The following TEX14 variants were observed in gnomAD, a reference collection of about 807,000 sequenced individuals.
TEX14 encodes testis expressed 14, intercellular bridge forming factor.
TEX14 carries 168 observed loss-of-function variants against 178.6 expected under a neutral mutation model. That is an observed-to-expected ratio of 0.94 (90% confidence interval 0.83 to 1.07). The LOEUF (loss-of-function observed/expected upper bound fraction) is 1.07. Among genes scored for constraint, TEX14 ranks in the 50% least tolerant of loss-of-function variants. The pLI, the probability that TEX14 is intolerant of heterozygous loss-of-function variation, is 0.00. For missense variants in TEX14, 1,730 were observed against 1,753.6 expected (o/e 0.99, Z 0.24); for synonymous variants, 626 against 634.1 (o/e 0.99, Z 0.19).
At chr17:58,631,716 A>C (rs420878) in intron 2 of TEX14, 1 of 151,640 alleles carries the variant, frequency 6.6e-6, no homozygotes, top group East Asian at 1.9e-4. Context: ...AACACCAAAC[A>C]CTGCTATCCC....
At chr17:58,683,370 C>T (rs369732484) in intron 1 of TEX14, among the ~76,000 whole-genome samples, 3 of 142,142 alleles carry the variant, frequency 2.1e-5, no homozygotes, top group African/African-American at 5.2e-5. Context: ...AAGACTCCAT[C>T]CCCCCCCCCA....
rs181073457 is a variant in TEX14 at position 58,609,109 on chromosome 17, C to T, written c.1184+2052G>A. ...CATGGCTCCGGTCATACCCTAACGG[C>T]TCCCCTGCTTTTTTTCTTGAGACAG... On this transcript the variant is annotated intron_variant, in intron 10 of 31. Coordinates refer to ENST00000349033, the MANE Select transcript of TEX14 (RefSeq NM_031272.5). Among the ~76,000 whole-genome samples the T allele has an allele frequency of 1.0e-3, 157 of 152,126 alleles. 1 individual carries two copies. Among genetic ancestry groups the T allele is most frequent in the African/African-American group, 3.6e-3 (149 of 41,550 alleles).
Position 58,573,268 on chromosome 17 carries a change from C to G in TEX14, c.3424G>C (p.Glu1142Gln), listed in dbSNP as rs375378353. 1.1e-4 allele frequency: 171 copies of G among 1,613,426 alleles called. No homozygotes were observed. Among genetic ancestry groups the G allele is most frequent in the Non-Finnish European group, 1.4e-4 (168 of 1,179,476 alleles). The change falls in exon 23 of 32, where the codon GAA becomes CAA. Residue 1142 changes from glutamate (E) to glutamine (Q), a missense_variant. By Grantham distance (29) the Glu-to-Gln change is conservative (BLOSUM62 2). Transcript: ENST00000349033. The part of the protein sequence containing the change: ...DIQDLSSISY[E>Q]PDSSFKEASC... Reference sequence around the variant, plus strand: ...GCTTCCTTAAAAGAGCTGTCTGGTTCATAGGAGATACTAGACAGGTCTTGA... The same window carrying G: ...GCTTCCTTAAAAGAGCTGTCTGGTTGATAGGAGATACTAGACAGGTCTTGA...
chr17:58,613,293 A>C, intron 9 of TEX14, 128 bp downstream of exon 9: 1 of 1,199,524 alleles, frequency 8.3e-7, no homozygotes. Context: ...AGCCCCTATA[A>C]AGCAAAAGAA....
chr17:58,615,826 T>C (rs772728282), intron 7 of TEX14, among the ~76,000 whole-genome samples: 1 of 152,202 alleles, frequency 6.6e-6, no homozygotes, highest in Non-Finnish European at 1.5e-5. Flanking sequence ...TAAAGTATTG[T>C]AATGAGTAAT....
At chr17:58,674,948 C>T (rs1418543760) in intron 1 of TEX14, among the ~76,000 whole-genome samples, 4 of 151,212 alleles carry the variant, frequency 2.6e-5, no homozygotes. Context: ...GAGTTTGAGA[C>T]CAGCCTGGCC....
At chr17:58,611,756 A>G (rs1021806223) in intron 9 of TEX14, among the ~76,000 whole-genome samples, 3 of 152,322 alleles carry the variant, frequency 2.0e-5, no homozygotes, top group East Asian at 1.9e-4. Flanking sequence ...CAGATAACCA[A>G]TTCAGTCCTA....
rs544557607 is a variant in TEX14, at chr17:58,598,974, G to A, written c.2371C>T (p.Pro791Ser). 1 of 1,614,144 alleles carries A rather than the reference G, an allele frequency of 6.2e-7. No homozygotes were observed. The highest frequency in any genetic ancestry group is 2.2e-5 in the East Asian group (1 of 44,880). Residue 791 changes from proline to serine, a missense_variant, in exon 14 of 32, where the codon CCA (proline) becomes TCA (serine). Transcript: ENST00000349033. The stretch of plus-strand genomic sequence containing the variant: ...ACAGGAGGAATATAGTTTAAAGATG[G>A]AGGGCCCACGGCCAGAGGTAACTTG... ...AYKLPLAVGP[P>S]SLNYIPPVLQ...
chr17:58,593,035 T>C (rs1373163143), intron 15 of TEX14, among the ~76,000 whole-genome samples: 1 of 152,108 alleles, frequency 6.6e-6, no homozygotes, highest in Non-Finnish European at 1.5e-5. Flanking sequence ...ATATATTATA[T>C]ATACATATAT....
intron 2 of TEX14, among the ~76,000 whole-genome samples, chr17:58,640,612 AGTGT>A (rs33931543): frequency 8.4e-4 from 121 of 143,952 alleles, no homozygotes; most frequent in East Asian, 7.7e-3. Flanking sequence ...CTTACCTTCT[AGTGT>A]GTGTGTGTGT....
At chr17:58,642,419 C>T (rs1372711395) in intron 2 of TEX14, among the ~76,000 whole-genome samples, 1 of 152,108 alleles carries the variant, frequency 6.6e-6, no homozygotes. Context: ...CCAAATGCTC[C>T]GTACTTAATT....
chr17:58,637,310 T>C (rs149305335), intron 2 of TEX14, among the ~76,000 whole-genome samples: 2 of 152,350 alleles, frequency 1.3e-5, no homozygotes, highest in Non-Finnish European at 2.9e-5. Context: ...CTAAAACTCT[T>C]TGAACCTCTG....
chr17:58,650,064 T>C (rs912143636), intron 2 of TEX14, among the ~76,000 whole-genome samples: 5 of 151,454 alleles, frequency 3.3e-5, no homozygotes, highest in African/African-American at 1.2e-4. Context: ...TGTTTTTGTT[T>C]TTGTTTTTCT....
At chr17:58,661,824 C>T in intron 1 of TEX14, 2 of 473,584 alleles carry the variant, frequency 4.2e-6, no homozygotes, top group Non-Finnish European at 7.4e-6. Flanking sequence ...TCTCTGTTTC[C>T]GTTTCCTAAA....
At position 58,561,412 on chromosome 17, in the gene TEX14, T is replaced by C. The variant is rs1047287249; in HGVS notation, c.4157+108A>G. ...GACAGGTGGAGTCAGGGCTGGCTTATCTAAATCAATGTAATGCCATCATCA... is the reference window on the plus strand; with the variant it reads ...GACAGGTGGAGTCAGGGCTGGCTTACCTAAATCAATGTAATGCCATCATCA... On this transcript the variant is annotated intron_variant, in intron 29 of 31. Coordinates refer to ENST00000349033, the MANE Select transcript of TEX14 (RefSeq NM_031272.5). The C allele has an allele frequency of 1.0e-5, 8 of 788,006 alleles. No homozygotes were observed. In the Admixed American group the frequency reaches 1.2e-4, roughly 12 times the overall value. The allele number at this position is 788,006 out of a possible 1,614,324, so 48.8% of individuals were successfully genotyped here. A position where few individuals can be genotyped will look rare whatever the true frequency, so the allele number is the denominator to read the frequency against.
intron 1 of TEX14, among the ~76,000 whole-genome samples, chr17:58,655,723 T>C (rs546734446): frequency 1.3e-5 from 2 of 152,230 alleles, no homozygotes; most frequent in African/African-American, 4.8e-5. Context: ...CCCTGACATT[T>C]CGGCACCCCG....
chr17:58,659,286 C>G (rs1012260615), intron 1 of TEX14: 9 of 950,930 alleles, frequency 9.5e-6, no homozygotes, highest in African/African-American at 7.1e-5. Flanking sequence ...AACAGCGTCT[C>G]TCCCCCGCCA....
intron 21 of TEX14, among the ~76,000 whole-genome samples, chr17:58,576,692 C>G (rs1020052288): frequency 6.6e-6 from 1 of 152,164 alleles, no homozygotes; most frequent in East Asian, 1.9e-4. Context: ...CCACCCCTTC[C>G]TTAACCCCTG....
chr17:58,657,488 C>A (rs1294038120), intron 1 of TEX14, among the ~76,000 whole-genome samples: 2 of 129,132 alleles, frequency 1.5e-5, no homozygotes, highest in Non-Finnish European at 3.2e-5. Flanking sequence ...TTTGTCTGGG[C>A]AATACGGGAA....
Sources: gnomAD v4.1 joint callset for allele counts (sites outside exome capture counted in the v4.1 genomes callset) on GRCh38, gnomAD v4.1.1 for gene constraint, MANE v1.5 for transcripts, NCBI Gene and HGNC (gene_info 2026-07-23, HGNC 2026-07-21) for gene names.